PGAP1: variants seen among roughly 807,000 people sequenced by gnomAD.
The protein encoded by PGAP1 is post-GPI attachment to proteins inositol deacylase 1.
PGAP1 carries 76 observed loss-of-function variants against 127.0 expected under a neutral mutation model. The ratio of observed to expected loss-of-function variants is 0.60; its 90% CI spans 0.50 to 0.72. PGAP1 has a LOEUF of 0.72. Ranked by LOEUF, PGAP1 falls within the 30% of genes least tolerant of loss-of-function variation. PGAP1 has a pLI of 0.00. For missense variants in PGAP1, 982 were observed against 1,071.3 expected (o/e 0.92, Z 1.16); for synonymous variants, 362 against 366.5 (o/e 0.99, Z 0.14).
chr2:196,853,782 T>C (rs1700789743), intron 20 of PGAP1, among the ~76,000 whole-genome samples: 1 of 152,196 alleles, frequency 6.6e-6, no homozygotes, highest in South Asian at 2.1e-4. Context: ...TCCATACAAC[T>C]TTCTGTATTG....
intron 20 of PGAP1, among the ~76,000 whole-genome samples, chr2:196,860,085 T>C (rs1014260207): frequency 1.3e-5 from 2 of 151,624 alleles, no homozygotes; most frequent in African/African-American, 4.8e-5. Flanking sequence ...TGTTCACAGA[T>C]GACATGATCC....
At chr2:196,918,398 A>T (rs1703082519) in intron 2 of PGAP1, among the ~76,000 whole-genome samples, 1 of 152,228 alleles carries the variant, frequency 6.6e-6, no homozygotes, top group African/African-American at 2.4e-5. Flanking sequence ...AATAATATTC[A>T]TTATTTGTAA....
chr2:196,874,041 G>T (rs1701483575), intron 14 of PGAP1: 2 of 253,176 alleles, frequency 7.9e-6, no homozygotes, highest in Non-Finnish European at 1.5e-5. Context: ...TATTTTACAA[G>T]CTTCTTATCT....
At chr2:196,860,717 T>C (rs1371873722) in intron 20 of PGAP1, among the ~76,000 whole-genome samples, 1 of 152,210 alleles carries the variant, frequency 6.6e-6, no homozygotes, top group Non-Finnish European at 1.5e-5. Flanking sequence ...ATTCCATCTA[T>C]GTTCATGGAT....
intron 7 of PGAP1, among the ~76,000 whole-genome samples, chr2:196,894,355 C>T (rs1472094009): frequency 6.6e-6 from 1 of 152,160 alleles, no homozygotes; most frequent in East Asian, 1.9e-4. Context: ...ATACAGTTCT[C>T]TAGATACGGT....
intron 20 of PGAP1, among the ~76,000 whole-genome samples, chr2:196,863,905 A>G (rs192875771): frequency 2.6e-5 from 4 of 152,204 alleles, no homozygotes; most frequent in Non-Finnish European, 5.9e-5. Context: ...AATTTATTGT[A>G]TATTTTAAAA....
intron 14 of PGAP1, among the ~76,000 whole-genome samples, chr2:196,874,930 C>T (rs1050643237): frequency 6.6e-6 from 1 of 152,014 alleles, no homozygotes; most frequent in Non-Finnish European, 1.5e-5. Context: ...GTGGAAGGAT[C>T]GCTTAAGCCC....
intron 9 of PGAP1, among the ~76,000 whole-genome samples, chr2:196,891,330 A>G (rs1702093961): frequency 6.6e-6 from 1 of 152,140 alleles, no homozygotes; most frequent in Non-Finnish European, 1.5e-5. Flanking sequence ...TAGCTGATTC[A>G]CGGTTTGGGG....
intron 20 of PGAP1, among the ~76,000 whole-genome samples, chr2:196,850,544 T>A (rs1305924949): frequency 1.3e-5 from 2 of 152,132 alleles, no homozygotes; most frequent in Admixed American, 6.5e-5. Context: ...CCCAAACTCT[T>A]GCAAATTTGG....
intron 1 of PGAP1, chr2:196,922,069 T>A (rs1576208691): frequency 1.9e-6 from 2 of 1,034,882 alleles, no homozygotes; most frequent in East Asian, 1.7e-4. Context: ...TTATTTTAAA[T>A]GAGCAACCCC....
chr2:196,920,496 ATTATAC>A (rs1454511638), intron 1 of PGAP1, among the ~76,000 whole-genome samples: 1 of 152,156 alleles, frequency 6.6e-6, no homozygotes, highest in Non-Finnish European at 1.5e-5. Flanking sequence ...ATAAGTATCA[ATTATAC>A]TTAGAAATGA....
chr2:196,913,752 A>G (rs570186683), intron 3 of PGAP1, among the ~76,000 whole-genome samples: 21 of 152,308 alleles, frequency 1.4e-4, no homozygotes, highest in African/African-American at 4.6e-4. Flanking sequence ...AGGAGGCCTG[A>G]GACTGCTGTC....
chr2:196,873,418 C>T, intron 16 of PGAP1, 110 bp downstream of exon 16: 1 of 765,020 alleles, frequency 1.3e-6, no homozygotes, highest in Non-Finnish European at 2.1e-6. Flanking sequence ...AATTTTACTT[C>T]ACATAAAAAT....
chr2:196,865,039 T>A lies in PGAP1; in HGVS notation c.1809A>T (p.Val603=). ...FHGGALPAYV[V]SNILLAYRGQ... is the part of the protein sequence containing the mutation. ...CTCTATAAGCAAGAAGGATATTAGA[T>A]ACGACATAAGCAGGAAGAGCTCCAC... Residue 603 remains valine (V), a synonymous_variant, in exon 20 of 27, where the codon GTA becomes GTT. Coordinates refer to ENST00000354764, the MANE Select transcript of PGAP1 (RefSeq NM_024989.4). 3 of 1,573,728 alleles carry A rather than the reference T, an allele frequency of 1.9e-6. No homozygotes were observed. The highest frequency in any genetic ancestry group is 2.6e-6 in the Non-Finnish European group (3 of 1,167,378).
intron 20 of PGAP1, among the ~76,000 whole-genome samples, chr2:196,857,745 G>T (rs925152201): frequency 2.0e-5 from 3 of 152,144 alleles, no homozygotes; most frequent in Non-Finnish European, 4.4e-5. Context: ...TGGAACAAAG[G>T]CCATATCAAC....
At chr2:196,915,804 T>A (rs1559371321) in intron 3 of PGAP1, among the ~76,000 whole-genome samples, 1 of 152,220 alleles carries the variant, frequency 6.6e-6, no homozygotes, top group African/African-American at 2.4e-5. Flanking sequence ...AAAACATACA[T>A]TTTTAGAGCC....
At chr2:196,903,331 G>C (rs1222403411) in intron 4 of PGAP1, among the ~76,000 whole-genome samples, 1 of 151,696 alleles carries the variant, frequency 6.6e-6, no homozygotes, top group African/African-American at 2.4e-5. Context: ...GGGAGGCTGA[G>C]GAAGGCAGAT....
chr2:196,914,446 C>G (rs999077930), intron 3 of PGAP1, among the ~76,000 whole-genome samples: 1 of 152,046 alleles, frequency 6.6e-6, no homozygotes, highest in Admixed American at 6.6e-5. Flanking sequence ...CATGGCAAAA[C>G]CTGGTATCTG....
rs563986442 is a variant in PGAP1, at chr2:196,902,720, G to C, written c.672C>G (p.Asn224Lys). Residue 224 changes from asparagine to lysine, a missense_variant, in exon 5 of 27, where the codon AAC becomes AAG. By Grantham distance (94) the Asn-to-Lys change is moderately conservative. Coordinates refer to ENST00000354764, the MANE Select transcript of PGAP1 (RefSeq NM_024989.4). ...FITDFYTTVN[N>K]YWILNARHIN... ...TGTGTCGAGCATTTAGAATCCAATA[G>C]TTGTTTACAGTCGTATAAAAATCTG... The C allele has an allele frequency of 6.2e-7, 1 of 1,607,106 alleles. No homozygotes were observed. Among genetic ancestry groups the C allele is most frequent in the African/African-American group, 1.3e-5 (1 of 74,700 alleles).
Sources: gnomAD v4.1 joint callset for allele counts (sites outside exome capture counted in the v4.1 genomes callset) on GRCh38, gnomAD v4.1.1 for gene constraint, MANE v1.5 for transcripts, NCBI Gene and HGNC (gene_info 2026-07-23, HGNC 2026-07-21) for gene names.